DNAI4: variants seen among roughly 807,000 people sequenced by gnomAD.
DNAI4 encodes WD repeat domain 78.
DNAI4 carries 85 observed loss-of-function variants against 105.8 expected under a neutral mutation model. The ratio of observed to expected loss-of-function variants is 0.80; its 90% CI spans 0.67 to 0.96. The LOEUF (loss-of-function observed/expected upper bound fraction) is 0.96. DNAI4 is among the 40% of genes least tolerant of loss of function. The pLI, the probability that DNAI4 is intolerant of heterozygous loss-of-function variation, is 0.00. For missense variants in DNAI4, 1,014 were observed against 1,005.6 expected, an observed-to-expected ratio of 1.01 and a Z score of -0.11; for synonymous variants, 352 against 331.5, an observed-to-expected ratio of 1.06 and a Z score of -0.67.
At chr1:66,836,613 C>T (rs1266687975) in intron 10 of DNAI4, among the ~76,000 whole-genome samples, 3 of 152,158 alleles carry the variant, frequency 2.0e-5, no homozygotes, top group Non-Finnish European at 2.9e-5. Context: ...AATTTAAATC[C>T]TTTCCTGCTT....
intron 5 of DNAI4, among the ~76,000 whole-genome samples, chr1:66,873,929 T>C (rs756038135): frequency 6.7e-6 from 1 of 149,932 alleles, no homozygotes; most frequent in Non-Finnish European, 1.5e-5. Flanking sequence ...ACGCTATTCA[T>C]GATCTAACAT....
chr1:66,851,504 CCCAGG>C (rs1646396209), intron 7 of DNAI4, among the ~76,000 whole-genome samples: 1 of 151,638 alleles, frequency 6.6e-6, no homozygotes, highest in Non-Finnish European at 1.5e-5. Context: ...GAATACACAT[CCCAGG>C]CCATACAACA....
In DNAI4 at chr1:66,822,275, G is replaced by C. The variant is rs537560216; in HGVS notation, c.2496+86C>G. 10 of 1,227,248 alleles carry C rather than the reference G, an allele frequency of 8.1e-6. No homozygotes were observed. In the South Asian group the frequency reaches 1.9e-4, roughly 23 times the overall value. 76.0% of individuals were successfully genotyped at this position (1,227,248 alleles called of 1,614,324 possible). Reference sequence around the variant, plus strand: ...TTTATTATATTACACCTAAGATATTGAGAAATGTAAATCCTTTGCATGCTA... The same window carrying C: ...TTTATTATATTACACCTAAGATATTCAGAAATGTAAATCCTTTGCATGCTA... On this transcript the variant is annotated intron_variant, in intron 16 of 16. Coordinates refer to ENST00000371026, the MANE Select transcript of DNAI4 (RefSeq NM_024763.5).
intron 6 of DNAI4, among the ~76,000 whole-genome samples, chr1:66,869,102 A>AAATAAATAAATAAATC (rs1273615350): frequency 6.7e-6 from 1 of 148,952 alleles, no homozygotes; most frequent in African/African-American, 2.5e-5. Context: ...ATAAATAAAT[A>AAATAAATAAATAAATC]AATCCTAGAT....
intron 2 of DNAI4, among the ~76,000 whole-genome samples, chr1:66,895,038 C>G (rs927827993): frequency 2.3e-4 from 35 of 152,124 alleles, no homozygotes; most frequent in Non-Finnish European, 2.2e-4. Flanking sequence ...ACAAATATGT[C>G]TATATCTCCT....
intron 7 of DNAI4, among the ~76,000 whole-genome samples, chr1:66,859,520 C>T (rs973745092): frequency 6.6e-5 from 10 of 152,064 alleles, no homozygotes; most frequent in Non-Finnish European, 7.4e-5. Context: ...CCGTTTTATT[C>T]GAAATTACAA....
chr1:66,909,285 T>TCTACACACACAC (rs143570368), intron 1 of DNAI4, among the ~76,000 whole-genome samples: 18 of 134,540 alleles, frequency 1.3e-4, no homozygotes, highest in African/African-American at 4.1e-4. Flanking sequence ...CACCTCTCTC[T>TCTACACACACAC]ACACACACAC....
At chr1:66,820,318 C>A (rs926990205) in intron 16 of DNAI4, among the ~76,000 whole-genome samples, 1 of 152,088 alleles carries the variant, frequency 6.6e-6, no homozygotes, top group African/African-American at 2.4e-5. Context: ...CATGACTCCA[C>A]CACTAATAAC....
intron 2 of DNAI4, among the ~76,000 whole-genome samples, chr1:66,899,547 A>G (rs1925410): frequency 0.57 from 86,875 of 151,976 alleles, 27,184 homozygotes; most frequent in East Asian, 0.84. Flanking sequence ...CACTCTGTAT[A>G]TGCTTTTGAT....
intron 3 of DNAI4, among the ~76,000 whole-genome samples, 164 bp downstream of exon 3, chr1:66,893,065 G>GAAAGA (rs1365286497): frequency 2.3e-5 from 2 of 85,486 alleles, no homozygotes; most frequent in Non-Finnish European, 5.1e-5. Flanking sequence ...GAGAGAGAGA[G>GAAAGA]AAAGAAAGAA....
In DNAI4 at chr1:66,813,642, G is replaced by A. The variant is rs1645457112; in HGVS notation, c.*488C>T. On this transcript the variant is annotated 3_prime_UTR_variant, in exon 17 of 17. Coordinates refer to ENST00000371026, the MANE Select transcript of DNAI4 (RefSeq NM_024763.5). ...TAGCTTCGGCTCTTAGATCTAAGAGGATAAAATGTTAGGTACAAGAATCCA... is the reference window on the plus strand; with the variant it reads ...TAGCTTCGGCTCTTAGATCTAAGAGAATAAAATGTTAGGTACAAGAATCCA... The A allele has an allele frequency of 6.6e-6, 1 of 152,356 alleles. No homozygotes were observed. Among genetic ancestry groups the A allele is most frequent in the African/African-American group, 2.4e-5 (1 of 41,428 alleles). The allele number at this position is 152,356 out of a possible 1,614,324, so 9.4% of individuals were successfully genotyped here.
intron 11 of DNAI4, among the ~76,000 whole-genome samples, chr1:66,835,130 C>T (rs971521059): frequency 6.6e-6 from 1 of 152,010 alleles, no homozygotes; most frequent in Non-Finnish European, 1.5e-5. Context: ...ATATGACATG[C>T]TGATGACAGA....
chr1:66,830,788 A>T (rs980963727), intron 13 of DNAI4, among the ~76,000 whole-genome samples: 9 of 150,414 alleles, frequency 6.0e-5, no homozygotes, highest in Non-Finnish European at 7.4e-5. Flanking sequence ...CTCAAAAAAA[A>T]ATAAATAAAT....
Position 66,890,752 on chromosome 1 carries a change from GGAGGAGGAGGAA to G in DNAI4, c.643+390_643+401del. 1 of 242,302 alleles carries G rather than the reference GGAGGAGGAGGAA, an allele frequency of 4.1e-6. No individual in the cohort carries two copies. Among genetic ancestry groups the G allele is most frequent in the Non-Finnish European group, 8.0e-6 (1 of 125,756 alleles). 15.0% of individuals were successfully genotyped at this position (242,302 alleles called of 1,614,324 possible). On this transcript the variant is annotated intron_variant, in intron 4 of 16. Transcript: ENST00000371026. This position sits in a 1 kb window ranked among gnomAD's most constrained non-coding sequence, Gnocchi z 4.1. ...GAGAGGAAGAGGGGGAGAAGGAAGA[GGAGGAGGAGGAA>G]GAGGAAGAAGAGGAAGAGGAGGAAG... is the stretch of plus-strand genomic sequence containing the variant.
chr1:66,886,473 C>T (rs1472321200), intron 4 of DNAI4, among the ~76,000 whole-genome samples: 1 of 152,156 alleles, frequency 6.6e-6, no homozygotes, highest in Non-Finnish European at 1.5e-5. Context: ...GAATTGATAG[C>T]ACTCAGGGTA....
chr1:66,911,039 A>G (rs1482407933), intron 1 of DNAI4, among the ~76,000 whole-genome samples: 1 of 152,170 alleles, frequency 6.6e-6, no homozygotes, highest in Non-Finnish European at 1.5e-5. Context: ...CTCAGATCCT[A>G]CAGGCAGAGA....
chr1:66,824,525 T>C (rs2100350799), intron 15 of DNAI4, among the ~76,000 whole-genome samples: 1 of 152,154 alleles, frequency 6.6e-6, no homozygotes, highest in East Asian at 1.9e-4. Context: ...TCGATATTGA[T>C]TCTTCCTACC....
rs182512502 is a variant in DNAI4, at chr1:66,832,351, T to C, written c.2013+1234A>G. ...TAGAATAGAGGAGCTCAAGTTTTGG[T>C]TTGCATAATGAGGTAGATGATGGTG... On this transcript the variant is annotated intron_variant, in intron 13 of 16. Transcript: ENST00000371026. Among the ~76,000 whole-genome samples, 3 of 152,258 alleles carry C rather than the reference T, an allele frequency of 2.0e-5. No homozygotes were observed. The East Asian group carries it at 5.8e-4, about 29-fold the overall frequency.
chr1:66,863,180 T>C (rs1231014818), intron 6 of DNAI4, among the ~76,000 whole-genome samples: 1 of 152,208 alleles, frequency 6.6e-6, no homozygotes, highest in East Asian at 1.9e-4. Flanking sequence ...AAACTCCAAG[T>C]CTCTTCCACT....
Sources: allele counts gnomAD v4.1 joint callset (sites outside exome capture counted in the v4.1 genomes callset), GRCh38; gene constraint gnomAD v4.1.1; non-coding constraint Gnocchi (gnomAD v3.1); transcripts MANE v1.5; gene names NCBI Gene and HGNC (gene_info 2026-07-23, HGNC 2026-07-21).